TOX: variants seen among roughly 807,000 people sequenced by gnomAD.
The protein encoded by TOX is thymocyte selection associated high mobility group box.
TOX carries 11 observed loss-of-function variants against 53.7 expected under a neutral mutation model. The observed-to-expected ratio is 0.20, with a 90% CI of 0.13 to 0.34. The LOEUF (loss-of-function observed/expected upper bound fraction) is 0.34, where lower values mean the gene tolerates loss of function less well. Among genes scored for constraint, TOX ranks in the 10% least tolerant of loss-of-function variants. The probability of loss-of-function intolerance (pLI) is 1.00; values close to 1 mark genes in which losing one functional copy is unlikely to be tolerated. For missense variants in TOX, 570 were observed against 664.6 expected, an observed-to-expected ratio of 0.86 and a Z score of 1.56; for synonymous variants, 225 against 245.3, an observed-to-expected ratio of 0.92 and a Z score of 0.77.
chr8:59,040,645 G>T (rs1323993353), intron 1 of TOX, among the ~76,000 whole-genome samples: 1 of 152,212 alleles, frequency 6.6e-6, no homozygotes, highest in Non-Finnish European at 1.5e-5. Context: ...AAGTGCAATA[G>T]ACCCAATTAT....
chr8:58,865,040 A>C (rs1288315622), intron 3 of TOX, among the ~76,000 whole-genome samples: 1 of 152,178 alleles, frequency 6.6e-6, no homozygotes, highest in Non-Finnish European at 1.5e-5. Context: ...GATGAAGACA[A>C]CTTTTCCCAC....
chr8:58,842,248 C>T (rs531782294), intron 4 of TOX, among the ~76,000 whole-genome samples: 30 of 152,070 alleles, frequency 2.0e-4, no homozygotes, highest in Admixed American at 1.1e-3. Flanking sequence ...CAGCAGACTG[C>T]GTGGGGAAGA....
chr8:58,998,511 AT>A (rs1563413305), intron 1 of TOX, among the ~76,000 whole-genome samples: 1 of 98,810 alleles, frequency 1.0e-5, no homozygotes, highest in Non-Finnish European at 1.9e-5. Context: ...ATATATATAT[AT>A]ATATATATAT....
At position 59,051,809 on chromosome 8, in the gene TOX, T is replaced by C. The variant is rs185882315; in HGVS notation, c.102+67077A>G. ...CAGATGATGGAAAAAGTTGAATTGG[T>C]ATTTAGACTCCCAATACTGCCCTGA... On this transcript the variant is annotated intron_variant, in intron 1 of 8. Transcript: ENST00000361421. Among the ~76,000 whole-genome samples the C allele has an allele frequency of 9.2e-5, 14 of 152,310 alleles. No homozygotes were observed. The East Asian group carries it at 2.5e-3, about 27-fold the overall frequency.
chr8:58,858,901 G>T (rs764094731), intron 3 of TOX, among the ~76,000 whole-genome samples: 52 of 152,202 alleles, frequency 3.4e-4, no homozygotes, highest in Non-Finnish European at 7.2e-4. Context: ...CACTCTAAGA[G>T]TCTATGAGAA....
At chr8:58,978,108 TG>T (rs1364386207) in intron 1 of TOX, among the ~76,000 whole-genome samples, 2 of 152,200 alleles carry the variant, frequency 1.3e-5, no homozygotes, top group Admixed American at 6.5e-5. Flanking sequence ...TGCAATTTAA[TG>T]GGTTAATAAC....
In TOX at chr8:58,826,912, C is replaced by T; in HGVS notation, c.925-10G>A. 1 of 1,607,654 alleles carries T rather than the reference C, an allele frequency of 6.2e-7. No homozygotes were observed. Among genetic ancestry groups the T allele is most frequent in the Admixed American group, 1.7e-5 (1 of 58,566 alleles). On this transcript the variant is annotated splice_polypyrimidine_tract_variant and intron_variant, in intron 5 of 8. Coordinates refer to ENST00000361421, the MANE Select transcript of TOX (RefSeq NM_014729.3). ...TTTTCTTTTTATAGACCTGCAACAA[C>T]AGCAAAGAGTCTTAAATTAGAAAGT...
chr8:58,982,152 T>C (rs1022348088), intron 1 of TOX, among the ~76,000 whole-genome samples: 4 of 152,060 alleles, frequency 2.6e-5, no homozygotes, highest in African/African-American at 9.7e-5. Flanking sequence ...TGCTGTCTTC[T>C]CCTCTCCTTA....
At chr8:58,905,509 A>C (rs993738854) in intron 3 of TOX, among the ~76,000 whole-genome samples, 10 of 152,234 alleles carry the variant, frequency 6.6e-5, no homozygotes, top group Admixed American at 2.0e-4. Context: ...TTATGCTGTC[A>C]GAGAGTGACC....
rs553980648 is a variant in TOX, at chr8:58,951,732, A to G, written c.168+8211T>C. 3.0e-3 allele frequency among the ~76,000 whole-genome samples: 463 copies of G among 152,330 alleles called. 2 individuals carry two copies. Among genetic ancestry groups the G allele is most frequent in the African/African-American group, 0.011 (447 of 41,576 alleles). On this transcript the variant is annotated intron_variant, in intron 2 of 8. Transcript: ENST00000361421. ...TCGTTACTGGTCTTAAATCATGACC[A>G]TCGGAACCCTTGGGAATTTCAGATC... is the stretch of plus-strand genomic sequence containing the variant.
intron 1 of TOX, among the ~76,000 whole-genome samples, chr8:59,005,645 G>A (rs402443): frequency 0.91 from 138,064 of 152,266 alleles, 62,697 homozygotes; most frequent in Admixed American, 0.93. Context: ...ATCACCAAAA[G>A]TTTAACTTTA....
intron 3 of TOX, among the ~76,000 whole-genome samples, chr8:58,887,954 T>C (rs918448442): frequency 9.2e-5 from 14 of 152,214 alleles, no homozygotes; most frequent in Middle Eastern, 3.4e-3. Context: ...CACCATATAA[T>C]GTACTTACAC....
At chr8:58,994,570 C>A (rs1343431270) in intron 1 of TOX, among the ~76,000 whole-genome samples, 1 of 151,916 alleles carries the variant, frequency 6.6e-6, no homozygotes, top group East Asian at 1.9e-4. Context: ...CCTAATGATA[C>A]CCAATGGCAG....
rs16924210 is a variant in TOX at position 58,893,626 on chromosome 8, C to T, written c.412-41821G>A. Among the ~76,000 whole-genome samples, 1,093 of 152,332 alleles carry T rather than the reference C, an allele frequency of 7.2e-3. 15 individuals are homozygous for T. The highest frequency in any genetic ancestry group is 0.024 in the African/African-American group (986 of 41,584). On this transcript the variant is annotated intron_variant, in intron 3 of 8. Transcript: ENST00000361421. ...TCTCTAACAAAACACATCAGCACCT[C>T]TTCTCGCATGTGGAGTTCCTAATGG...
chr8:58,852,376 T>TA (rs1279486664), intron 3 of TOX, among the ~76,000 whole-genome samples: 1 of 152,198 alleles, frequency 6.6e-6, no homozygotes, highest in East Asian at 1.9e-4. Flanking sequence ...AAAACACTGA[T>TA]AGGCTGGTAT....
At chr8:59,096,152 A>G (rs1274134870) in intron 1 of TOX, among the ~76,000 whole-genome samples, 2 of 152,272 alleles carry the variant, frequency 1.3e-5, no homozygotes, top group African/African-American at 2.4e-5. Context: ...ATAAATGGAA[A>G]TGATAATGTC....
At chr8:58,897,130 T>C (rs577731416) in intron 3 of TOX, among the ~76,000 whole-genome samples, 1 of 152,210 alleles carries the variant, frequency 6.6e-6, no homozygotes, top group East Asian at 1.9e-4. Context: ...CACCTTGCAT[T>C]ATAAAATATC....
intron 1 of TOX, among the ~76,000 whole-genome samples, chr8:58,980,047 C>T (rs1813173089): frequency 6.6e-6 from 1 of 152,120 alleles, no homozygotes; most frequent in South Asian, 2.1e-4. Flanking sequence ...TTGCATAGCT[C>T]TGTAAATTTA....
chr8:59,034,276 GC>G, intron 1 of TOX, among the ~76,000 whole-genome samples: 1 of 152,316 alleles, frequency 6.6e-6, no homozygotes, highest in Admixed American at 6.5e-5. Flanking sequence ...TGAAATCTAT[GC>G]CAGTCCTATT....
Sources: allele counts gnomAD v4.1 joint callset (sites outside exome capture counted in the v4.1 genomes callset), GRCh38; gene constraint gnomAD v4.1.1; transcripts MANE v1.5; gene names NCBI Gene and HGNC (gene_info 2026-07-23, HGNC 2026-07-21).